Variants in KHDRBS2 observed in about 807,000 individuals in gnomAD.
KHDRBS2 encodes KH RNA binding domain containing, signal transduction associated 2, also known as KH domain-containing, RNA-binding, signal transduction-associated protein 2.
KHDRBS2 carries 26 observed loss-of-function variants against 44.3 expected under a neutral mutation model. The ratio of observed to expected loss-of-function variants is 0.59; its 90% CI spans 0.43 to 0.81. KHDRBS2 has a LOEUF of 0.81. Among genes scored for constraint, KHDRBS2 ranks in the 40% least tolerant of loss-of-function variants. KHDRBS2 has a pLI of 0.00. For missense variants in KHDRBS2, 476 were observed against 433.1 expected (o/e 1.10, Z -0.88); for synonymous variants, 194 against 151.1 (o/e 1.28, Z -2.08).
At chr6:62,202,747 C>T (rs996301859) in intron 1 of KHDRBS2, among the ~76,000 whole-genome samples, 7 of 151,932 alleles carry the variant, frequency 4.6e-5, no homozygotes, top group Non-Finnish European at 8.8e-5. Context: ...AAGAAAAGTA[C>T]ATGGTTCTGT....
At chr6:61,945,130 T>C (rs1191921109) in intron 4 of KHDRBS2, among the ~76,000 whole-genome samples, 3 of 95,476 alleles carry the variant, frequency 3.1e-5, no homozygotes, top group Non-Finnish European at 6.5e-5. Context: ...TATATATATA[T>C]ATATATATAT....
At chr6:61,898,771 A>G (rs1803399475) in intron 5 of KHDRBS2, among the ~76,000 whole-genome samples, 1 of 151,986 alleles carries the variant, frequency 6.6e-6, no homozygotes, top group Admixed American at 6.6e-5. Context: ...TACTTATTAA[A>G]AAATGCACAA....
the KHDRBS2 span, among the ~76,000 whole-genome samples, chr6:61,599,812 C>A: frequency 5.3e-5 from 8 of 152,266 alleles, no homozygotes; most frequent in South Asian, 1.7e-3. Flanking sequence ...TCACACTGGC[C>A]ACTGGAAAGA....
the KHDRBS2 span, among the ~76,000 whole-genome samples, chr6:61,636,204 G>C: frequency 6.6e-6 from 1 of 151,946 alleles, no homozygotes; most frequent in African/African-American, 2.4e-5. Context: ...TCATTTACAT[G>C]TTCAAATGAC....
At chr6:61,590,354 A>G in the KHDRBS2 span, among the ~76,000 whole-genome samples, 2 of 152,204 alleles carry the variant, frequency 1.3e-5, no homozygotes, top group East Asian at 3.8e-4. Context: ...TCTTGCATAC[A>G]TAACAGCTCT....
chr6:62,225,797 C>A lies in KHDRBS2; in HGVS notation c.92-48485G>T, dbSNP rs1285308760. Among the ~76,000 whole-genome samples, 4 of 150,118 alleles carry A rather than the reference C, an allele frequency of 2.7e-5. No homozygotes were observed. The East Asian group carries it at 7.9e-4, about 30-fold the overall frequency. On this transcript the variant is annotated intron_variant, in intron 1 of 8. Coordinates refer to ENST00000281156, the MANE Select transcript of KHDRBS2 (RefSeq NM_152688.4). ...GTGAGAACATGCAGTGTTTGGTTTT[C>A]TGTTCCTGTGTTAGTTTACTTAGGA...
intron 6 of KHDRBS2, among the ~76,000 whole-genome samples, chr6:61,841,555 C>T (rs1793610564): frequency 1.3e-5 from 2 of 152,082 alleles, no homozygotes; most frequent in Non-Finnish European, 2.9e-5. Flanking sequence ...TTTATTAGAT[C>T]TTTACTAATG....
At chr6:62,063,048 C>T (rs901420479) in intron 2 of KHDRBS2, among the ~76,000 whole-genome samples, 48 of 147,196 alleles carry the variant, frequency 3.3e-4, no homozygotes, top group Admixed American at 9.6e-4. Context: ...ATACATTCCT[C>T]GACACATACA....
intron 6 of KHDRBS2, among the ~76,000 whole-genome samples, chr6:61,849,628 C>T (rs1206859086): frequency 6.8e-6 from 1 of 146,272 alleles, no homozygotes; most frequent in Non-Finnish European, 1.5e-5. Flanking sequence ...TTCAGAGAAA[C>T]AAAGTTTTTT....
chr6:62,068,284 C>T (rs1202669421), intron 2 of KHDRBS2, among the ~76,000 whole-genome samples: 4 of 151,488 alleles, frequency 2.6e-5, no homozygotes, highest in Non-Finnish European at 1.5e-5. Flanking sequence ...TGATATTGAA[C>T]ATCTTTTCAT....
intron 6 of KHDRBS2, among the ~76,000 whole-genome samples, chr6:61,785,943 C>A (rs1292844421): frequency 6.6e-6 from 1 of 152,012 alleles, no homozygotes; most frequent in East Asian, 1.9e-4. Context: ...TCACTAATTA[C>A]ATATATCTGT....
At chr6:61,608,970 G>C in the KHDRBS2 span, among the ~76,000 whole-genome samples, 1 of 152,266 alleles carries the variant, frequency 6.6e-6, no homozygotes, top group African/African-American at 2.4e-5. Context: ...GGGACTGCTG[G>C]GTCAAATGGT....
At chr6:62,272,418 TG>T in intron 1 of KHDRBS2, among the ~76,000 whole-genome samples, 1 of 152,300 alleles carries the variant, frequency 6.6e-6, no homozygotes, top group Non-Finnish European at 1.5e-5. Context: ...AACAGACCTA[TG>T]TAGCAGGCTG....
chr6:61,667,435 T>C, the KHDRBS2 span, among the ~76,000 whole-genome samples: 2 of 151,284 alleles, frequency 1.3e-5, no homozygotes, highest in Non-Finnish European at 3.0e-5. Context: ...AGAAGTATTT[T>C]AAGACCAGAA....
intron 2 of KHDRBS2, among the ~76,000 whole-genome samples, chr6:62,086,445 T>C (rs1027053765): frequency 6.6e-6 from 1 of 152,022 alleles, no homozygotes; most frequent in African/African-American, 2.4e-5. Flanking sequence ...AATTTAGAAA[T>C]TTGGTTTTTA....
At chr6:61,783,749 T>A (rs1291144774) in intron 6 of KHDRBS2, among the ~76,000 whole-genome samples, 1 of 152,032 alleles carries the variant, frequency 6.6e-6, no homozygotes, top group African/African-American at 2.4e-5. Context: ...AAATTTTTAT[T>A]TTATATAAAA....
At chr6:61,673,021 G>T in the KHDRBS2 span, among the ~76,000 whole-genome samples, 2 of 151,656 alleles carry the variant, frequency 1.3e-5, no homozygotes, top group African/African-American at 4.8e-5. Context: ...ATTGATTTTT[G>T]TATAAGGTGT....
intron 7 of KHDRBS2, among the ~76,000 whole-genome samples, chr6:61,700,209 G>A (rs1768426550): frequency 6.6e-6 from 1 of 151,684 alleles, no homozygotes; most frequent in African/African-American, 2.4e-5. Context: ...CCCCGATCAT[G>A]TTCCCCAAAG....
At chr6:61,908,951 C>T in intron 4 of KHDRBS2, among the ~76,000 whole-genome samples, 1 of 152,226 alleles carries the variant, frequency 6.6e-6, no homozygotes, top group African/African-American at 2.4e-5. Context: ...TATAAAGTAG[C>T]TTTAAAAATG....
Sources: allele counts gnomAD v4.1 joint callset (sites outside exome capture counted in the v4.1 genomes callset), GRCh38; gene constraint gnomAD v4.1.1; transcripts MANE v1.5; gene names NCBI Gene and HGNC (gene_info 2026-07-23, HGNC 2026-07-21).